Variants in KIDINS220 observed in about 807,000 individuals in gnomAD.
KIDINS220 encodes kinase D-interacting substrate of 220 kDa.
KIDINS220 carries 63 observed loss-of-function variants against 157.6 expected under a neutral mutation model. That is an observed-to-expected ratio of 0.40 (90% CI 0.33 to 0.49). The LOEUF (loss-of-function observed/expected upper bound fraction) is 0.49, where lower values mean the gene tolerates loss of function less well. Among genes scored for constraint, KIDINS220 ranks in the 20% least tolerant of loss-of-function variants. The pLI is 0.66. For synonymous variants in KIDINS220, 732 were observed against 783.6 expected, an observed-to-expected ratio of 0.93 and a Z score of 1.10; for missense variants, 1,772 against 2,171.2, an observed-to-expected ratio of 0.82 and a Z score of 3.65.
At chr2:8,745,713 C>G (rs370986160) in intron 26 of KIDINS220, among the ~76,000 whole-genome samples, 1 of 152,108 alleles carries the variant, frequency 6.6e-6, no homozygotes, top group African/African-American at 2.4e-5. Flanking sequence ...GCAGGAGAAT[C>G]GCTTGAAACC....
In KIDINS220 at chr2:8,798,299, TC is replaced by T; in HGVS notation, c.901del (p.Asp301IlefsTer18). 1.3e-6 allele frequency: 2 copies of T among 1,554,474 alleles called. No individual in the cohort carries two copies. The highest frequency in any genetic ancestry group is 1.1e-5 in the South Asian group (1 of 89,272). On this transcript the variant is annotated frameshift_variant and splice_region_variant, in exon 10 of 30. Transcript: ENST00000256707. LOFTEE classifies it high-confidence loss of function. The part of the protein sequence containing the change: ...KYADIDIRGQ[D>X]NKTALYWAVE... ...AGCCCAATACAAAGCAGTTTTATTA[TC>T]CTAGATAATTAAAAAAAACACAATC...
At chr2:8,739,571 A>G (rs1665355594) in intron 26 of KIDINS220, among the ~76,000 whole-genome samples, 1 of 152,060 alleles carries the variant, frequency 6.6e-6, no homozygotes, top group African/African-American at 2.4e-5. Context: ...GAGTGCAAAA[A>G]TGATAAGGAA....
intron 7 of KIDINS220, among the ~76,000 whole-genome samples, 163 bp downstream of exon 7, chr2:8,806,108 A>C (rs1675407096): frequency 6.6e-6 from 1 of 152,214 alleles, no homozygotes; most frequent in Non-Finnish European, 1.5e-5. Flanking sequence ...ATATATGTTT[A>C]TAATATAACA....
downstream of KIDINS220, among the ~76,000 whole-genome samples, chr2:8,726,275 G>A (rs1663304620): frequency 6.6e-6 from 1 of 152,166 alleles, no homozygotes; most frequent in Non-Finnish European, 1.5e-5. Flanking sequence ...AAGGGCTTCT[G>A]AGTTCCAGAA....
At chr2:8,724,058 C>G (rs1663130460), downstream of KIDINS220, 1 of 152,410 alleles carries the variant, frequency 6.6e-6, no homozygotes, top group Non-Finnish European at 1.5e-5. The surrounding 1 kb of genome is among the most constrained non-coding windows in gnomAD (Gnocchi z 4.6). Flanking sequence ...GCTGGGATTA[C>G]AAGTGCATGC....
intron 22 of KIDINS220, chr2:8,757,411 G>A: frequency 1.6e-6 from 2 of 1,218,348 alleles, no homozygotes; most frequent in Non-Finnish European, 2.1e-6. Context: ...AATGCCAACA[G>A]TCTTACAGCT....
intron 7 of KIDINS220, among the ~76,000 whole-genome samples, chr2:8,803,550 T>C (rs1198855384): frequency 6.6e-6 from 1 of 152,152 alleles, no homozygotes; most frequent in Non-Finnish European, 1.5e-5. Flanking sequence ...GAATTCTTTA[T>C]AATAAAACCC....
At position 8,750,253 on chromosome 2, in the gene KIDINS220, C is replaced by A. The variant is rs778534103; in HGVS notation, c.3273G>T (p.Ala1091=). 6.2e-7 allele frequency: 1 copy of A among 1,613,936 alleles called. No homozygotes were observed. The highest frequency in any genetic ancestry group is 2.2e-5 in the East Asian group (1 of 44,876). The change falls in exon 24 of 30, where the codon GCG becomes GCT. Residue 1091 remains alanine (A), a synonymous_variant. Transcript: ENST00000256707. ...PLPLHEGPPR[A]PSGYSQPPSV... ...ATGGGGGCTGGCTGTACCCTGATGG[C>A]GCCCTAGGAGGACCCTCATGTAGAG...
At chr2:8,727,072 TTTCTA>T, downstream of KIDINS220, 1 of 986,082 alleles carries the variant, frequency 1.0e-6, no homozygotes, top group South Asian at 1.5e-5. Flanking sequence ...TGTCTATACG[TTTCTA>T]TTTTTCAATT....
At chr2:8,810,611 C>G (rs947407084) in intron 6 of KIDINS220, among the ~76,000 whole-genome samples, 1 of 152,064 alleles carries the variant, frequency 6.6e-6, no homozygotes, top group South Asian at 2.1e-4. Context: ...CATGGTGAAA[C>G]CCCATCTCTA....
At chr2:8,833,614 A>G (rs1679973164) in intron 1 of KIDINS220, among the ~76,000 whole-genome samples, 1 of 151,928 alleles carries the variant, frequency 6.6e-6, no homozygotes, top group Non-Finnish European at 1.5e-5. Context: ...AATACCCAAC[A>G]CTTAGCTTAA....
In KIDINS220 at chr2:8,770,843, A is replaced by C. The variant is rs1218520142; in HGVS notation, c.2849-11T>G. ...CTCTCAGTAATCGTCCTTTTAAAAAATACAAAAGCATTTAAAAATTAATAG... is the reference window on the plus strand; with the variant it reads ...CTCTCAGTAATCGTCCTTTTAAAAACTACAAAAGCATTTAAAAATTAATAG... On this transcript the variant is annotated splice_polypyrimidine_tract_variant and intron_variant, in intron 21 of 29. Coordinates refer to ENST00000256707, the MANE Select transcript of KIDINS220 (RefSeq NM_020738.4). 1.9e-6 allele frequency: 3 copies of C among 1,554,936 alleles called. No homozygotes were observed. The highest frequency in any genetic ancestry group is 1.8e-6 in the Non-Finnish European group (2 of 1,142,008).
In KIDINS220 at chr2:8,730,643, G is replaced by A; in HGVS notation, c.*77C>T. On this transcript the variant is annotated 3_prime_UTR_variant, in exon 30 of 30. Transcript: ENST00000256707. ...TGTCAGCAAAATGTAGAAAGGTGATGGGCGTGGATGGAGTCAAAATCCAGG... is the reference window on the plus strand; with the variant it reads ...TGTCAGCAAAATGTAGAAAGGTGATAGGCGTGGATGGAGTCAAAATCCAGG... The A allele has an allele frequency of 1.3e-6, 2 of 1,510,774 alleles. No individual in the cohort carries two copies. Among genetic ancestry groups the A allele is most frequent in the Non-Finnish European group, 8.8e-7 (1 of 1,137,992 alleles). The allele number at this position is 1,510,774 out of a possible 1,614,324, so 93.6% of individuals were successfully genotyped here. A position where few individuals can be genotyped will look rare whatever the true frequency, so the allele number is the denominator to read the frequency against.
chr2:8,758,712 C>T (rs1402691312), intron 22 of KIDINS220, among the ~76,000 whole-genome samples: 1 of 152,022 alleles, frequency 6.6e-6, no homozygotes, highest in Non-Finnish European at 1.5e-5. Context: ...ATAAATTTCC[C>T]TCTGAGTACT....
At position 8,817,653 on chromosome 2, in the gene KIDINS220, G is replaced by A; in HGVS notation, c.271C>T (p.Leu91=). 6.2e-7 allele frequency: 1 copy of A among 1,606,948 alleles called. No individual in the cohort carries two copies. Among genetic ancestry groups the A allele is most frequent in the Non-Finnish European group, 8.5e-7 (1 of 1,175,924 alleles). ...EGHVHIVEEL[L]KCGVNLEHRD... is the part of the protein sequence containing the mutation. ...TGCTCCAAGTTAACCCCACATTTCA[G>A]TAGTTCCTCTACGATGTGCACATGC... is the stretch of plus-strand genomic sequence containing the variant. The change falls in exon 4 of 30, where the codon CTG becomes TTG. Residue 91 remains leucine, a synonymous_variant. Transcript: ENST00000256707.
Position 8,770,829 on chromosome 2 carries a change from CG to C in KIDINS220, c.2851del (p.Arg951AspfsTer3). On this transcript the variant is annotated frameshift_variant and splice_region_variant, in exon 22 of 30. Coordinates refer to ENST00000256707, the MANE Select transcript of KIDINS220 (RefSeq NM_020738.4). LOFTEE classifies it high-confidence loss of function. ...RLLNIVSVTG[R>X]LLRANQISFN... ...ACTAATCTGATTGGCTCTCAGTAAT[CG>C]TCCTTTTAAAAAATACAAAAGCATT... The C allele has an allele frequency of 6.3e-7, 1 of 1,581,690 alleles. No homozygotes were observed. Among genetic ancestry groups the C allele is most frequent in the Non-Finnish European group, 8.6e-7 (1 of 1,165,294 alleles).
At chr2:8,784,030 G>C (rs951617903) in intron 17 of KIDINS220, among the ~76,000 whole-genome samples, 3 of 152,074 alleles carry the variant, frequency 2.0e-5, no homozygotes, top group African/African-American at 7.2e-5. Context: ...AATAGAGCTA[G>C]AGTAATCAAA....
downstream of KIDINS220, among the ~76,000 whole-genome samples, chr2:8,728,203 G>A (rs1358407588): frequency 6.6e-6 from 1 of 152,146 alleles, no homozygotes; most frequent in Non-Finnish European, 1.5e-5. Flanking sequence ...TTAGCCAGGT[G>A]TGGTGGCACG....
Position 8,729,220 on chromosome 2 carries a change from T to C in KIDINS220, c.*1500A>G. On this transcript the variant is annotated 3_prime_UTR_variant, in exon 30 of 30. Coordinates refer to ENST00000256707, the MANE Select transcript of KIDINS220 (RefSeq NM_020738.4). ...CAAAATAAACACTGTATTAAAATGC[T>C]AGATTACACTCAAACATCAAGGCAA... 1.0e-6 allele frequency: 1 copy of C among 985,264 alleles called. No individual in the cohort carries two copies. The highest frequency in any genetic ancestry group is 5.2e-4 in the Middle Eastern group (1 of 1,910). 61.0% of individuals were successfully genotyped at this position (985,264 alleles called of 1,614,324 possible). A position where few individuals can be genotyped will look rare whatever the true frequency, so the allele number is the denominator to read the frequency against.
Sources: allele counts gnomAD v4.1 joint callset (sites outside exome capture counted in the v4.1 genomes callset), GRCh38; gene constraint gnomAD v4.1.1; non-coding constraint Gnocchi (gnomAD v3.1); transcripts MANE v1.5; gene names NCBI Gene and HGNC (gene_info 2026-07-23, HGNC 2026-07-21).